TP73: variants seen among roughly 807,000 people sequenced by gnomAD.
TP73 encodes the protein p53-like transcription factor.
A neutral mutation model predicts 62.5 loss-of-function variants in TP73; 25 were observed. The observed-to-expected ratio is 0.40, with a 90% CI of 0.29 to 0.56. TP73 has a LOEUF of 0.56. TP73 is among the 20% of genes least tolerant of loss of function. The pLI is 0.46. For missense variants in TP73, 754 were observed against 913.3 expected (o/e 0.83, Z 2.25); for synonymous variants, 423 against 377.5 (o/e 1.12, Z -1.40).
chr1:3,696,458 C>A lies in TP73; in HGVS notation c.187-11091C>A, dbSNP rs574737010. On this transcript the variant is annotated intron_variant, in intron 3 of 13. Coordinates refer to ENST00000378295, the MANE Select transcript of TP73 (RefSeq NM_005427.4). This position sits in a 1 kb window ranked among gnomAD's most constrained non-coding sequence, Gnocchi z 4.1. ...AGGGAGTCCTGCACATGGGCACTTA[C>A]AGTCAGGGCTCTGGGGGATCTGCAC... is the stretch of plus-strand genomic sequence containing the variant. Among the ~76,000 whole-genome samples, 1 of 151,812 alleles carries A rather than the reference C, an allele frequency of 6.6e-6. No homozygotes were observed. Among genetic ancestry groups the A allele is most frequent in the African/African-American group, 2.4e-5 (1 of 41,300 alleles).
At chr1:3,683,239 G>C (rs1218431669) in intron 3 of TP73, 59 bp downstream of exon 3, 2 of 1,540,060 alleles carry the variant, frequency 1.3e-6, no homozygotes, top group Admixed American at 1.8e-5. Flanking sequence ...AATGTGGCCT[G>C]TCCTGTCTTG....
At chr1:3,665,815 C>T (rs1264995235) in intron 1 of TP73, among the ~76,000 whole-genome samples, 11 of 123,982 alleles carry the variant, frequency 8.9e-5, no homozygotes, top group East Asian at 2.4e-4. Context: ...CCACCGTGCC[C>T]GGCCTTTTTT....
At chr1:3,727,371 C>T (rs1197649593) in intron 7 of TP73, 147 bp downstream of exon 7, 1 of 981,212 alleles carries the variant, frequency 1.0e-6, no homozygotes, top group Non-Finnish European at 1.5e-6. Context: ...GAACCGCCCC[C>T]TGGCCTGCAG....
At chr1:3,728,081 C>G in intron 8 of TP73, 48 bp from the exon 9 acceptor site, 1 of 1,555,084 alleles carries the variant, frequency 6.4e-7, no homozygotes, top group Non-Finnish European at 8.7e-7. Flanking sequence ...GGAGGCCTCA[C>G]CCTCTGGTCC....
chr1:3,711,261 A>C (rs1640117172), intron 4 of TP73, among the ~76,000 whole-genome samples: 1 of 152,220 alleles, frequency 6.6e-6, no homozygotes, highest in Non-Finnish European at 1.5e-5. Context: ...TGGTGACACC[A>C]GTGCCCTTCT....
chr1:3,733,417 G>T lies in TP73; in HGVS notation c.*338G>T. The T allele has an allele frequency of 5.1e-6, 2 of 391,702 alleles. No individual in the cohort carries two copies. The highest frequency in any genetic ancestry group is 9.0e-5 in the South Asian group (2 of 22,300). The allele number at this position is 391,702 out of a possible 1,614,324, so 24.3% of individuals were successfully genotyped here. On this transcript the variant is annotated 3_prime_UTR_variant, in exon 14 of 14. Transcript: ENST00000378295. ...CCGCAGCGTCGGCTCCGACTTCCAG[G>T]CTTCATCCTAGAGACTGTCATCTCC... is the stretch of plus-strand genomic sequence containing the variant.
At chr1:3,700,213 C>T (rs1222447511) in intron 3 of TP73, among the ~76,000 whole-genome samples, 3 of 152,064 alleles carry the variant, frequency 2.0e-5, no homozygotes, top group Non-Finnish European at 2.9e-5. Context: ...ATCTCCTCCG[C>T]TGGAGGAGTC....
chr1:3,723,567 T>A, intron 6 of TP73, 98 bp downstream of exon 6: 1 of 593,528 alleles, frequency 1.7e-6, no homozygotes, highest in Non-Finnish European at 3.0e-6. Flanking sequence ...CTCAGTTGGC[T>A]GATCTGCCTG....
chr1:3,686,794 C>T (rs771394969), intron 3 of TP73, among the ~76,000 whole-genome samples: 11 of 152,212 alleles, frequency 7.2e-5, no homozygotes, highest in Non-Finnish European at 7.3e-5. Context: ...AGCTCAGGAC[C>T]TACCCCTTCC....
At chr1:3,721,977 A>G (rs1570602963) in intron 4 of TP73, 44 bp from the exon 5 acceptor site, 3 of 1,547,818 alleles carry the variant, frequency 1.9e-6, no homozygotes, top group Admixed American at 1.9e-5. Flanking sequence ...ACAGGGGTGC[A>G]GTTGGGACCA....
chr1:3,673,128 C>T (rs938135530), intron 1 of TP73, among the ~76,000 whole-genome samples: 6 of 152,238 alleles, frequency 3.9e-5, no homozygotes, highest in African/African-American at 7.2e-5. Flanking sequence ...GGGCACTACC[C>T]GTTTCGAGGA....
intron 3 of TP73, among the ~76,000 whole-genome samples, chr1:3,684,186 C>G (rs1005649857): frequency 3.9e-5 from 6 of 152,238 alleles, no homozygotes; most frequent in South Asian, 2.1e-4. Context: ...CCGCTGGACT[C>G]GTCAGCTGCT....
intron 4 of TP73, among the ~76,000 whole-genome samples, chr1:3,711,037 G>C (rs183721935): frequency 2.6e-5 from 4 of 152,358 alleles, no homozygotes; most frequent in African/African-American, 9.6e-5. Flanking sequence ...TGCATGGTGA[G>C]AGGGGTGGAG....
In TP73 at chr1:3,683,190, G is replaced by A. The variant is rs762022048; in HGVS notation, c.186+10G>A. ...GACTACATCTGTCATGGTGAGTGGG[G>A]GGGCTGCCCTCTGCAAGAGGACTGG... On this transcript the variant is annotated intron_variant, in intron 3 of 13. Coordinates refer to ENST00000378295, the MANE Select transcript of TP73 (RefSeq NM_005427.4). 3 of 1,598,200 alleles carry A rather than the reference G, an allele frequency of 1.9e-6. No individual in the cohort carries two copies. Among genetic ancestry groups the A allele is most frequent in the Admixed American group, 1.7e-5 (1 of 59,688 alleles).
At chr1:3,661,222 C>G (rs142093993) in intron 1 of TP73, among the ~76,000 whole-genome samples, 5 of 152,014 alleles carry the variant, frequency 3.3e-5, no homozygotes, top group Non-Finnish European at 7.4e-5. Context: ...TAGGAAATCC[C>G]AAACGTTAAT....
chr1:3,654,277 G>A (rs550227240), intron 1 of TP73, among the ~76,000 whole-genome samples: 4 of 152,364 alleles, frequency 2.6e-5, no homozygotes, highest in Admixed American at 2.6e-4. Flanking sequence ...AGGCGGACCT[G>A]AGCGGGGCTT....
intron 9 of TP73, 115 bp from the exon 10 acceptor site, chr1:3,729,212 G>A (rs1184410436): frequency 1.4e-6 from 2 of 1,434,818 alleles, no homozygotes; most frequent in African/African-American, 1.4e-5. Context: ...GGGTGCTGGG[G>A]AACCCCCAGA....
At chr1:3,700,899 C>A (rs181838010) in intron 3 of TP73, among the ~76,000 whole-genome samples, 26 of 152,320 alleles carry the variant, frequency 1.7e-4, no homozygotes, top group Admixed American at 5.9e-4. Context: ...AGAACCCATG[C>A]GGCGGGAGGG....
At chr1:3,705,002 A>G (rs1215713478) in intron 3 of TP73, among the ~76,000 whole-genome samples, 1 of 152,204 alleles carries the variant, frequency 6.6e-6, no homozygotes, top group Admixed American at 6.5e-5. Context: ...CCCAGGAGCC[A>G]GGAGAGGCGA....
Sources: gnomAD v4.1 joint callset for allele counts (sites outside exome capture counted in the v4.1 genomes callset) on GRCh38, gnomAD v4.1.1 for gene constraint, Gnocchi (gnomAD v3.1) non-coding constraint, MANE v1.5 for transcripts, NCBI Gene and HGNC (gene_info 2026-07-23, HGNC 2026-07-21) for gene names.